NDC80: variants seen among roughly 807,000 people sequenced by gnomAD.
NDC80 encodes the protein NDC80 kinetochore complex component, also known as kinetochore protein NDC80 homolog.
In NDC80, 69 loss-of-function variants were observed where a neutral mutation model predicts 89.3. That is an observed-to-expected ratio of 0.77 (90% confidence interval 0.64 to 0.94). The LOEUF (loss-of-function observed/expected upper bound fraction) is 0.94, where lower values mean the gene tolerates loss of function less well. Ranked by LOEUF, NDC80 falls within the 40% of genes least tolerant of loss-of-function variation. NDC80 has a pLI of 0.00. For synonymous variants in NDC80, 243 were observed against 255.6 expected (o/e 0.95, Z 0.47); for missense variants, 593 against 739.6 (o/e 0.80, Z 2.30).
rs1467847117 is a variant in NDC80, at chr18:2,598,958, A to G, written c.1222-61A>G. 4.5e-5 allele frequency: 64 copies of G among 1,420,316 alleles called. 1 individual carries two copies. Among genetic ancestry groups the G allele is most frequent in the South Asian group, 1.1e-4 (6 of 55,908 alleles). 88.0% of individuals were successfully genotyped at this position (1,420,316 alleles called of 1,614,324 possible). ...TTTGTATAAAATTTTAGAAATGTCA[A>G]TTGAAAAAAACATATGGAATGGGGC... On this transcript the variant is annotated intron_variant, in intron 11 of 16. Coordinates refer to ENST00000261597, the MANE Select transcript of NDC80 (RefSeq NM_006101.3).
At chr18:2,607,632 T>A (rs886304537) in intron 14 of NDC80, among the ~76,000 whole-genome samples, 7 of 152,064 alleles carry the variant, frequency 4.6e-5, no homozygotes, top group Non-Finnish European at 1.0e-4. Flanking sequence ...TCTGCATCTT[T>A]GAGAATAAAG....
intron 13 of NDC80, among the ~76,000 whole-genome samples, chr18:2,603,591 T>G (rs538762776): frequency 6.6e-6 from 1 of 151,926 alleles, no homozygotes; most frequent in East Asian, 1.9e-4. Context: ...CTGAAAAGTA[T>G]TTTAAAATAA....
rs768099337 is a variant in NDC80 at position 2,575,108 on chromosome 18, A to G, written c.179+42A>G. Reference sequence around the variant, plus strand: ...TTAGCTCTAATAAAGGGATTCTTATAGCCATACGTTGTTGCCCTCAGAGAA... The same window carrying G: ...TTAGCTCTAATAAAGGGATTCTTATGGCCATACGTTGTTGCCCTCAGAGAA... On this transcript the variant is annotated intron_variant, in intron 3 of 16. Transcript: ENST00000261597. 188 of 1,389,794 alleles carry G rather than the reference A, an allele frequency of 1.4e-4. 12 individuals carry two copies. In the South Asian group the frequency reaches 2.3e-3, roughly 17 times the overall value. The allele number at this position is 1,389,794 out of a possible 1,614,324, so 86.1% of individuals were successfully genotyped here.
In NDC80 at chr18:2,589,696, G is replaced by C. The variant is rs60175304; in HGVS notation, c.871-322G>C. ...GGGTTTATATAGTATATTGTATCCT[G>C]AGTTTTCTAAAAGCTAAATATTAAT... On this transcript the variant is annotated intron_variant, in intron 9 of 16. Transcript: ENST00000261597. 5.7e-3 allele frequency among the ~76,000 whole-genome samples: 775 copies of C among 136,452 alleles called. 88 individuals carry two copies. The highest frequency in any genetic ancestry group is 0.02 in the African/African-American group (521 of 26,694). 89.5% of individuals were successfully genotyped at this position (136,452 alleles called of 152,430 possible).
Position 2,571,659 on chromosome 18 carries a change from G to A in NDC80, c.-34G>A, listed in dbSNP as rs2072513422. On this transcript the variant is annotated 5_prime_UTR_variant, in exon 1 of 17. Transcript: ENST00000261597. ...CGGTTTACAGAAATTCGGTCCCTGGGTCGTGTCAGGAAACTGGAAAAAAGG... is the reference window on the plus strand; with the variant it reads ...CGGTTTACAGAAATTCGGTCCCTGGATCGTGTCAGGAAACTGGAAAAAAGG... 1 of 152,382 alleles carries A rather than the reference G, an allele frequency of 6.6e-6. No homozygotes were observed. The highest frequency in any genetic ancestry group is 2.1e-4 in the South Asian group (1 of 4,838). 9.4% of individuals were successfully genotyped at this position (152,382 alleles called of 1,614,324 possible). A position where few individuals can be genotyped will look rare whatever the true frequency, so the allele number is the denominator to read the frequency against.
intron 14 of NDC80, among the ~76,000 whole-genome samples, chr18:2,608,212 C>T (rs1343461241): frequency 6.6e-6 from 1 of 150,758 alleles, no homozygotes; most frequent in East Asian, 1.9e-4. Context: ...AATAAAATCA[C>T]CTTTTTTTTT....
In NDC80 at chr18:2,578,077, C is replaced by G. The variant is rs1298200819; in HGVS notation, c.412C>G (p.Pro138Ala). The change falls in exon 5 of 17, where the codon CCC becomes GCC. Residue 138 changes from proline to alanine, a missense_variant. Coordinates refer to ENST00000261597, the MANE Select transcript of NDC80 (RefSeq NM_006101.3). Reference sequence around the variant, plus strand: ...CACATTTCTTTATGGCTTCCTGTGCCCCTCATACGAACTTCCTGACACAAA... The same window carrying G: ...CACATTTCTTTATGGCTTCCTGTGCGCCTCATACGAACTTCCTGACACAAA... Reference protein sequence around the residue: ...IFTFLYGFLCPSYELPDTKFE... With the variant: ...IFTFLYGFLCASYELPDTKFE... The G allele has an allele frequency of 6.2e-7, 1 of 1,613,942 alleles. No individual in the cohort carries two copies. Among genetic ancestry groups the G allele is most frequent in the South Asian group, 1.1e-5 (1 of 91,062 alleles).
intron 3 of NDC80, among the ~76,000 whole-genome samples, chr18:2,576,383 T>C (rs913443680): frequency 2.0e-5 from 3 of 152,234 alleles, no homozygotes; most frequent in Non-Finnish European, 4.4e-5. Context: ...TTTTACGTTT[T>C]TGCAAATCTC....
intron 1 of NDC80, 61 bp from the exon 2 acceptor site, chr18:2,572,916 T>A: frequency 3.3e-6 from 4 of 1,196,862 alleles, no homozygotes; most frequent in Non-Finnish European, 4.8e-6. Flanking sequence ...GGATAAATAG[T>A]TGCTTAATGT....
Position 2,591,272 on chromosome 18 carries a change from C to T in NDC80, c.1015+1110C>T, listed in dbSNP as rs935645986. ...ATCTTAATCATAAAATTCTGTAAAA[C>T]ACTATGGCACATGCAATTGCTTGAT... On this transcript the variant is annotated intron_variant, in intron 10 of 16. Coordinates refer to ENST00000261597, the MANE Select transcript of NDC80 (RefSeq NM_006101.3). Among the ~76,000 whole-genome samples the T allele has an allele frequency of 2.0e-5, 3 of 152,152 alleles. No homozygotes were observed. The East Asian group carries it at 5.8e-4, about 29-fold the overall frequency.
chr18:2,581,964 T>C (rs2072580336), intron 6 of NDC80: 1 of 152,208 alleles, frequency 6.6e-6, no homozygotes, highest in Non-Finnish European at 1.5e-5. Context: ...TATTTAATCT[T>C]GTCATATGGG....
rs144237886 is a variant in NDC80, at chr18:2,589,026, C to T, written c.764-178C>T. ...AAAAATCAAGCAGGACAAGGAGAGT[C>T]GAAGTACGGTGGAGTAATGGAAAGG... On this transcript the variant is annotated intron_variant, in intron 8 of 16. Coordinates refer to ENST00000261597, the MANE Select transcript of NDC80 (RefSeq NM_006101.3). Among the ~76,000 whole-genome samples the T allele has an allele frequency of 2.0e-5, 3 of 151,916 alleles. No individual in the cohort carries two copies. In the East Asian group the frequency reaches 5.8e-4, roughly 29 times the overall value.
chr18:2,613,161 G>A (rs1450112920), intron 16 of NDC80, among the ~76,000 whole-genome samples: 4 of 152,168 alleles, frequency 2.6e-5, no homozygotes, highest in Non-Finnish European at 2.9e-5. Context: ...GCCTACAGCC[G>A]GCTTTTGTAA....
chr18:2,614,560 G>C (rs1268014588), intron 16 of NDC80: 1 of 2,782 alleles, frequency 3.6e-4, no homozygotes, highest in Non-Finnish European at 6.0e-4. Context: ...AGGAAGGAAG[G>C]AAGGGAAAGA....
At chr18:2,598,239 G>C (rs1201137786) in intron 11 of NDC80, among the ~76,000 whole-genome samples, 1 of 152,200 alleles carries the variant, frequency 6.6e-6, no homozygotes, top group Non-Finnish European at 1.5e-5. Flanking sequence ...AACGAAGTAT[G>C]TGTTTAATGG....
At chr18:2,581,494 C>G (rs890885389) in intron 6 of NDC80, among the ~76,000 whole-genome samples, 14 of 152,154 alleles carry the variant, frequency 9.2e-5, no homozygotes, top group Non-Finnish European at 2.9e-5. Flanking sequence ...AACCCCATCT[C>G]TACTAAAAAT....
chr18:2,583,518 T>C lies in NDC80; in HGVS notation c.580-1595T>C, dbSNP rs752053383. On this transcript the variant is annotated intron_variant, in intron 6 of 16. Transcript: ENST00000261597. ...GAGTTCGACACCAGCCTGGCCAATATAGTGAAACCCCGTCTCTACTAAAAA... is the reference window on the plus strand; with the variant it reads ...GAGTTCGACACCAGCCTGGCCAATACAGTGAAACCCCGTCTCTACTAAAAA... Among the ~76,000 whole-genome samples, 102 of 151,982 alleles carry C rather than the reference T, an allele frequency of 6.7e-4. 2 individuals carry two copies. Among genetic ancestry groups the C allele is most frequent in the Non-Finnish European group, 2.5e-4 (17 of 67,996 alleles).
intron 10 of NDC80, among the ~76,000 whole-genome samples, chr18:2,591,786 G>T (rs1179720733): frequency 1.5e-4 from 19 of 129,188 alleles, no homozygotes; most frequent in Admixed American, 4.2e-4. Context: ...ATGTAGTCTT[G>T]CTGTGTCACC....
intron 6 of NDC80, among the ~76,000 whole-genome samples, chr18:2,583,382 C>T (rs2072588048): frequency 6.6e-6 from 1 of 152,088 alleles, no homozygotes; most frequent in Non-Finnish European, 1.5e-5. Flanking sequence ...TGGGTTCTGC[C>T]CTACATGTCT....
Sources: gnomAD v4.1 joint callset for allele counts (sites outside exome capture counted in the v4.1 genomes callset) on GRCh38, gnomAD v4.1.1 for gene constraint, MANE v1.5 for transcripts, NCBI Gene and HGNC (gene_info 2026-07-23, HGNC 2026-07-21) for gene names.